The following MGAT4C variants were observed in gnomAD, a reference collection of about 807,000 sequenced individuals.
MGAT4C encodes alpha-1,3-mannosyl-glycoprotein 4-beta-N-acetylglucosaminyltransferase C.
In MGAT4C, 19 loss-of-function variants were observed where a neutral mutation model predicts 40.1. The ratio of observed to expected loss-of-function variants is 0.47; its 90% CI spans 0.33 to 0.70. MGAT4C has a LOEUF of 0.70. MGAT4C is among the 30% of genes least tolerant of loss of function. MGAT4C has a pLI of 0.02. For missense variants in MGAT4C, 491 were observed against 563.2 expected (o/e 0.87, Z 1.30); for synonymous variants, 181 against 187.1 (o/e 0.97, Z 0.27).
intron 2 of MGAT4C, among the ~76,000 whole-genome samples, chr12:86,437,512 T>TA (rs1324000276): frequency 6.6e-6 from 1 of 151,886 alleles, no homozygotes; most frequent in Admixed American, 6.6e-5. Flanking sequence ...TTAAATGACT[T>TA]ATAGTATTTA....
At chr12:86,814,970 G>A (rs556862537) in intron 1 of MGAT4C, among the ~76,000 whole-genome samples, 54 of 152,036 alleles carry the variant, frequency 3.6e-4, no homozygotes, top group African/African-American at 1.2e-3. Context: ...AGCATCCTGA[G>A]TAAATTAAGA....
intron 2 of MGAT4C, among the ~76,000 whole-genome samples, chr12:86,705,525 G>A (rs1477949209): frequency 1.3e-5 from 2 of 151,908 alleles, no homozygotes; most frequent in East Asian, 1.9e-4. Context: ...AAAAAAAATG[G>A]ATCCCAGGTA....
intron 4 of MGAT4C, among the ~76,000 whole-genome samples, chr12:86,296,623 A>G (rs1241691807): frequency 6.6e-6 from 1 of 151,950 alleles, no homozygotes; most frequent in Non-Finnish European, 1.5e-5. Flanking sequence ...GTCCCAGTAC[A>G]CCCTCCGCAG....
chr12:86,771,406 G>A (rs889560663), intron 1 of MGAT4C, among the ~76,000 whole-genome samples: 2 of 152,058 alleles, frequency 1.3e-5, no homozygotes, highest in East Asian at 1.9e-4. Flanking sequence ...GTTGTAAAAT[G>A]TATGTTACAA....
chr12:86,086,139 C>A (rs1871789062), intron 1 of MGAT4C, among the ~76,000 whole-genome samples: 2 of 152,182 alleles, frequency 1.3e-5, no homozygotes, highest in Admixed American at 6.5e-5. Context: ...TGGACCCAAC[C>A]CAAATGCCCA....
At chr12:86,553,322 A>G (rs115547947) in intron 2 of MGAT4C, among the ~76,000 whole-genome samples, 263 of 152,240 alleles carry the variant, frequency 1.7e-3, no homozygotes, top group African/African-American at 5.9e-3. Context: ...TCACTAGTAA[A>G]GGTATAAGAG....
intron 4 of MGAT4C, among the ~76,000 whole-genome samples, chr12:86,300,947 G>C (rs374344450): frequency 9.3e-4 from 142 of 152,204 alleles, no homozygotes; most frequent in African/African-American, 3.1e-3. Context: ...TCAAAACAGT[G>C]GGGAACTTGC....
chr12:86,629,382 T>G (rs944389456), intron 2 of MGAT4C, among the ~76,000 whole-genome samples: 1 of 152,158 alleles, frequency 6.6e-6, no homozygotes, highest in Non-Finnish European at 1.5e-5. Flanking sequence ...GGACTTGAAC[T>G]CAGGTCTGCA....
intron 4 of MGAT4C, among the ~76,000 whole-genome samples, chr12:86,301,973 A>G (rs1023160099): frequency 8.5e-5 from 12 of 141,328 alleles, no homozygotes; most frequent in Admixed American, 8.1e-4. Context: ...GACTTCCTAA[A>G]GAGAAATTTA....
intron 2 of MGAT4C, among the ~76,000 whole-genome samples, chr12:86,556,015 G>T (rs143461452): frequency 4.6e-5 from 7 of 152,330 alleles, no homozygotes; most frequent in African/African-American, 1.4e-4. Context: ...GCCTATGCAT[G>T]TAATATGTAG....
intron 1 of MGAT4C, among the ~76,000 whole-genome samples, chr12:86,746,620 C>T (rs1411034803): frequency 6.6e-6 from 1 of 151,700 alleles, no homozygotes; most frequent in Admixed American, 6.6e-5. Context: ...GAATTATTCA[C>T]AGTTCACTTA....
intron 1 of MGAT4C, among the ~76,000 whole-genome samples, chr12:86,182,883 A>C (rs61929484): frequency 0.073 from 11,159 of 152,226 alleles, 574 homozygotes; most frequent in Middle Eastern, 0.22. Flanking sequence ...TTAGGGATAC[A>C]TAGATCTCCT....
intron 4 of MGAT4C, among the ~76,000 whole-genome samples, chr12:86,323,152 C>T (rs1450654677): frequency 6.7e-6 from 1 of 149,842 alleles, no homozygotes; most frequent in Non-Finnish European, 1.5e-5. Context: ...TTAATGTTAA[C>T]TATACAATGC....
rs1420099339 is a variant in MGAT4C at position 85,974,944 on chromosome 12, A to C, written c.*4345T>G. 1 of 150,702 alleles carries C rather than the reference A, an allele frequency of 6.6e-6. No individual in the cohort carries two copies. The highest frequency in any genetic ancestry group is 6.6e-5 in the Admixed American group (1 of 15,062). 9.3% of individuals were successfully genotyped at this position (150,702 alleles called of 1,614,324 possible). A position where few individuals can be genotyped will look rare whatever the true frequency, so the allele number is the denominator to read the frequency against. On this transcript the variant is annotated 3_prime_UTR_variant, in exon 5 of 5. Coordinates refer to ENST00000611864, the MANE Select transcript of MGAT4C (RefSeq NM_001351288.2). The stretch of plus-strand genomic sequence containing the variant: ...ACCGGATCCTGACATTAAAAAAAAA[A>C]AGTAAAAAGATTCTGAAGACTGCAT...
intron 4 of MGAT4C, among the ~76,000 whole-genome samples, chr12:86,263,602 T>A (rs1952713011): frequency 6.6e-6 from 1 of 152,222 alleles, no homozygotes; most frequent in Non-Finnish European, 1.5e-5. Flanking sequence ...TGATTCAATG[T>A]CTTTGCTACT....
chr12:86,040,708 G>T (rs534349546), intron 2 of MGAT4C, among the ~76,000 whole-genome samples: 2 of 149,404 alleles, frequency 1.3e-5, no homozygotes, highest in African/African-American at 5.0e-5. Context: ...CACCACTGGG[G>T]TATGGAGAAA....
At chr12:86,636,911 C>G (rs1471210771) in intron 2 of MGAT4C, among the ~76,000 whole-genome samples, 1 of 151,804 alleles carries the variant, frequency 6.6e-6, no homozygotes, top group Non-Finnish European at 1.5e-5. Context: ...TATAATAATT[C>G]CATAATTACA....
chr12:86,665,135 T>G (rs1055257320), intron 2 of MGAT4C, among the ~76,000 whole-genome samples: 4 of 152,032 alleles, frequency 2.6e-5, no homozygotes, highest in African/African-American at 7.2e-5. Flanking sequence ...GAAGATGATA[T>G]TTCAGTTAAC....
chr12:86,687,982 G>A (rs764895124), intron 2 of MGAT4C, among the ~76,000 whole-genome samples: 1 of 152,046 alleles, frequency 6.6e-6, no homozygotes, highest in Non-Finnish European at 1.5e-5. Context: ...CTGTTTGCAG[G>A]TCTCTAAGAA....
Sources: allele counts gnomAD v4.1 joint callset (sites outside exome capture counted in the v4.1 genomes callset), GRCh38; gene constraint gnomAD v4.1.1; transcripts MANE v1.5; gene names NCBI Gene and HGNC (gene_info 2026-07-23, HGNC 2026-07-21).